Variants in ASIC2 observed in about 807,000 individuals in gnomAD.
The protein encoded by ASIC2 is acid sensing ion channel subunit 2.
Under a neutral mutation model 57.3 loss-of-function variants are expected in ASIC2, and 25 were observed. The ratio of observed to expected loss-of-function variants is 0.44; its 90% CI spans 0.32 to 0.61. The LOEUF (loss-of-function observed/expected upper bound fraction) is 0.61, where lower values mean the gene tolerates loss of function less well. Among genes scored for constraint, ASIC2 ranks in the 20% least tolerant of loss-of-function variants. The pLI, the probability that ASIC2 is intolerant of heterozygous loss-of-function variation, is 0.06. For synonymous variants in ASIC2, 319 were observed against 307.5 expected, an observed-to-expected ratio of 1.04 and a Z score of -0.39; for missense variants, 641 against 738.1, an observed-to-expected ratio of 0.87 and a Z score of 1.52.
intron 1 of ASIC2, among the ~76,000 whole-genome samples, chr17:33,300,076 A>C (rs1377855415): frequency 1.3e-5 from 2 of 152,210 alleles, no homozygotes; most frequent in Non-Finnish European, 2.9e-5. Flanking sequence ...GTTTCAAAAA[A>C]CACAAAAGAG....
chr17:33,773,448 G>A (rs959893649), intron 1 of ASIC2, among the ~76,000 whole-genome samples: 1 of 152,066 alleles, frequency 6.6e-6, no homozygotes, highest in Non-Finnish European at 1.5e-5. Flanking sequence ...CATATGTGGC[G>A]GGGCAGGTTT....
At chr17:33,134,074 G>A (rs997099812) in intron 1 of ASIC2, among the ~76,000 whole-genome samples, 1 of 152,200 alleles carries the variant, frequency 6.6e-6, no homozygotes, top group Non-Finnish European at 1.5e-5. Flanking sequence ...AGCACTGAGG[G>A]TTATGGAGAG....
chr17:33,054,728 G>A (rs1163562839), intron 3 of ASIC2, among the ~76,000 whole-genome samples: 1 of 152,162 alleles, frequency 6.6e-6, no homozygotes, highest in Non-Finnish European at 1.5e-5. Flanking sequence ...CAGTCACTTG[G>A]CTCATAAACC....
intron 1 of ASIC2, among the ~76,000 whole-genome samples, chr17:33,698,284 G>A (rs12941351): frequency 2.6e-5 from 4 of 152,096 alleles, no homozygotes; most frequent in Admixed American, 6.5e-5. Context: ...TTCATATGGG[G>A]TTTACGCATC....
At position 33,013,752 on chromosome 17, in the gene ASIC2, A is replaced by C. The variant is rs1598232625; in HGVS notation, c.*213T>G. 1.0e-5 allele frequency: 6 copies of C among 587,972 alleles called. No homozygotes were observed. The South Asian group carries it at 1.2e-4, about 12-fold the overall frequency. 36.4% of individuals were successfully genotyped at this position (587,972 alleles called of 1,614,324 possible). On this transcript the variant is annotated 3_prime_UTR_variant, in exon 10 of 10. Coordinates refer to ENST00000225823, the MANE Select transcript of ASIC2 (RefSeq NM_183377.2). ...CTTGGACAGTTCCAGAGTGTGACTCATCTCTCCTAAGAGGGACGCACGGCG... is the reference window on the plus strand; with the variant it reads ...CTTGGACAGTTCCAGAGTGTGACTCCTCTCTCCTAAGAGGGACGCACGGCG...
chr17:33,471,783 G>T (rs1214499602), intron 1 of ASIC2, among the ~76,000 whole-genome samples: 1 of 152,108 alleles, frequency 6.6e-6, no homozygotes, highest in African/African-American at 2.4e-5. Flanking sequence ...TGAAGATTTT[G>T]ATAATATTAA....
intron 3 of ASIC2, among the ~76,000 whole-genome samples, chr17:33,086,948 A>C (rs1598269087): frequency 6.6e-6 from 1 of 151,140 alleles, no homozygotes; most frequent in Non-Finnish European, 1.5e-5. Flanking sequence ...GCCTCTGCCC[A>C]CTCCCTCATT....
intron 1 of ASIC2, among the ~76,000 whole-genome samples, chr17:34,054,317 A>T (rs1281971572): frequency 6.6e-6 from 1 of 152,270 alleles, no homozygotes. Context: ...ATTGATGTCA[A>T]TGAAGTACGT....
At chr17:33,983,022 T>G (rs1308117869) in intron 1 of ASIC2, among the ~76,000 whole-genome samples, 1 of 152,200 alleles carries the variant, frequency 6.6e-6, no homozygotes, top group Non-Finnish European at 1.5e-5. Context: ...AATCAATGAG[T>G]CAGTGAGTAA....
intron 1 of ASIC2, among the ~76,000 whole-genome samples, chr17:33,422,400 C>G (rs1159034913): frequency 6.6e-6 from 1 of 152,182 alleles, no homozygotes; most frequent in African/African-American, 2.4e-5. Flanking sequence ...GATGCAAAGA[C>G]TTTTATAAAG....
At chr17:33,393,677 A>G (rs1331501085) in intron 1 of ASIC2, among the ~76,000 whole-genome samples, 8 of 152,210 alleles carry the variant, frequency 5.3e-5, no homozygotes, top group African/African-American at 1.9e-4. Context: ...ATGTGCTGAA[A>G]GGAAGTTCCA....
intron 1 of ASIC2, among the ~76,000 whole-genome samples, chr17:33,938,444 C>G (rs1447231321): frequency 1.3e-5 from 2 of 152,198 alleles, no homozygotes; most frequent in African/African-American, 4.8e-5. Flanking sequence ...TACTAGCTCC[C>G]TTCTTCTGGA....
At chr17:34,059,784 A>C (rs979981301) in intron 1 of ASIC2, among the ~76,000 whole-genome samples, 1 of 152,102 alleles carries the variant, frequency 6.6e-6, no homozygotes, top group Non-Finnish European at 1.5e-5. Context: ...TCCCCGGTAC[A>C]CAACTCCAGT....
chr17:33,863,792 A>G (rs1914156529), intron 1 of ASIC2, among the ~76,000 whole-genome samples: 1 of 152,250 alleles, frequency 6.6e-6, no homozygotes, highest in African/African-American at 2.4e-5. Context: ...TTAATAAAGA[A>G]AGAACAAATC....
intron 3 of ASIC2, among the ~76,000 whole-genome samples, chr17:33,065,798 A>G (rs921715844): frequency 6.6e-6 from 1 of 152,224 alleles, no homozygotes; most frequent in African/African-American, 2.4e-5. Flanking sequence ...AAAGTGGAGT[A>G]AAATGAAAAA....
intron 1 of ASIC2, among the ~76,000 whole-genome samples, chr17:33,517,746 G>A (rs1471134571): frequency 3.3e-5 from 5 of 151,564 alleles, no homozygotes; most frequent in Non-Finnish European, 7.4e-5. Context: ...TATACCAAAT[G>A]TTAAATGACG....
chr17:33,886,208 A>T (rs1402126301), intron 1 of ASIC2, among the ~76,000 whole-genome samples: 1 of 152,162 alleles, frequency 6.6e-6, no homozygotes, highest in Non-Finnish European at 1.5e-5. Context: ...CAAAGGGAAG[A>T]TGGTAGAAGG....
chr17:34,144,518 A>G (rs1912363834), intron 1 of ASIC2, among the ~76,000 whole-genome samples: 2 of 152,208 alleles, frequency 1.3e-5, no homozygotes, highest in Non-Finnish European at 2.9e-5. Context: ...TAGTAATAAT[A>G]ATAGTAACAA....
rs59467363 is a variant in ASIC2 at position 33,476,544 on chromosome 17, G to GGT, written c.556-364479_556-364478dup. Among the ~76,000 whole-genome samples, 833 of 104,626 alleles carry GGT rather than the reference G, an allele frequency of 8.0e-3. 5 individuals are homozygous for GGT. The highest frequency in any genetic ancestry group is 0.018 in the African/African-American group (509 of 28,842). The allele number at this position is 104,626 out of a possible 152,430, so 68.6% of individuals were successfully genotyped here. On this transcript the variant is annotated intron_variant, in intron 1 of 9. Transcript: ENST00000359872. ...ATATATATATATATATATGTACAGG[G>GGT]GTGTGTGTGTGTGTGTGTGTGTGTG...
Sources: gnomAD v4.1 joint callset for allele counts (sites outside exome capture counted in the v4.1 genomes callset) on GRCh38, gnomAD v4.1.1 for gene constraint, MANE v1.5 for transcripts, NCBI Gene and HGNC (gene_info 2026-07-23, HGNC 2026-07-21) for gene names.